AGPAT4: variants seen among roughly 807,000 people sequenced by gnomAD.
The protein encoded by AGPAT4 is 1-acyl-sn-glycerol-3-phosphate acyltransferase delta.
AGPAT4 carries 15 observed loss-of-function variants against 48.0 expected under a neutral mutation model. The observed-to-expected ratio is 0.31, with a 90% confidence interval of 0.21 to 0.48. The LOEUF (loss-of-function observed/expected upper bound fraction) is 0.48. Ranked by LOEUF, AGPAT4 falls within the 20% of genes least tolerant of loss-of-function variation. The probability of loss-of-function intolerance (pLI) is 0.99; values close to 1 mark genes in which losing one functional copy is unlikely to be tolerated. For missense variants in AGPAT4, 314 were observed against 482.5 expected (o/e 0.65, Z 3.27); for synonymous variants, 178 against 198.7 (o/e 0.90, Z 0.88).
chr6:161,194,624 GTGTA>G (rs71004031), intron 2 of AGPAT4, among the ~76,000 whole-genome samples: 9,783 of 146,410 alleles, frequency 0.067, 395 homozygotes, highest in Non-Finnish European at 0.079. Flanking sequence ...GTGTACATGT[GTGTA>G]TGTGTATGTG....
intron 2 of AGPAT4, among the ~76,000 whole-genome samples, chr6:161,170,439 A>G (rs1045244782): frequency 2.0e-5 from 3 of 150,822 alleles, no homozygotes; most frequent in African/African-American, 7.3e-5. Context: ...TCCCCTAGGC[A>G]TTTATACACA....
rs903058805 is a variant in AGPAT4 at position 161,155,388 on chromosome 6, A to G, written c.349-1078T>C. On this transcript the variant is annotated intron_variant, in intron 3 of 8. Coordinates refer to ENST00000320285, the MANE Select transcript of AGPAT4 (RefSeq NM_020133.3). This position sits in a 1 kb window ranked among gnomAD's most constrained non-coding sequence, Gnocchi z 5.8. ...CAGCGGTCAGGGCAGCCCTAAACCT[A>G]GGATGCCCACAGCGCAGAGAGCTCC... 6.6e-6 allele frequency among the ~76,000 whole-genome samples: 1 copy of G among 152,220 alleles called. No homozygotes were observed.
intron 1 of AGPAT4, among the ~76,000 whole-genome samples, chr6:161,256,198 G>T (rs547951238): frequency 8.4e-4 from 128 of 152,238 alleles, no homozygotes; most frequent in Non-Finnish European, 1.6e-3. Context: ...CCTTAAGTAG[G>T]ACTGGCCCTT....
rs976738287 is a variant in AGPAT4 at position 161,223,660 on chromosome 6, G to A, written c.178+8376C>T. On this transcript the variant is annotated intron_variant, in intron 2 of 8. Coordinates refer to ENST00000320285, the MANE Select transcript of AGPAT4 (RefSeq NM_020133.3). The surrounding 1 kb of genome is among the most constrained non-coding windows in gnomAD (Gnocchi z 6.3). ...TCTCTTTTTATTCCATAGCCCCGTG[G>A]AGTGGCACCTCAGAGGCCACAGGTT... Among the ~76,000 whole-genome samples, 2 of 152,170 alleles carry A rather than the reference G, an allele frequency of 1.3e-5. No individual in the cohort carries two copies. The highest frequency in any genetic ancestry group is 3.2e-3 in the Middle Eastern group (1 of 316).
At chr6:161,257,765 G>A (rs147072066) in intron 1 of AGPAT4, among the ~76,000 whole-genome samples, 9 of 152,260 alleles carry the variant, frequency 5.9e-5, no homozygotes, top group East Asian at 3.9e-4. Flanking sequence ...GAAAGACAGC[G>A]TTAGTCCCAC....
intron 2 of AGPAT4, among the ~76,000 whole-genome samples, chr6:161,185,142 T>TA (rs11299421): frequency 0.014 from 1,917 of 135,068 alleles, 40 homozygotes; most frequent in African/African-American, 0.046. Context: ...TCCAAATGTT[T>TA]AAAAAAAAAA....
intron 3 of AGPAT4, among the ~76,000 whole-genome samples, chr6:161,162,702 G>A (rs1317876613): frequency 6.6e-6 from 1 of 152,190 alleles, no homozygotes; most frequent in African/African-American, 2.4e-5. Context: ...CTTCTTTAAG[G>A]ATCTGAAGAC....
rs1781054401 is a variant in AGPAT4 at position 161,195,907 on chromosome 6, G to A, written c.179-29490C>T. On this transcript the variant is annotated intron_variant, in intron 2 of 8. Coordinates refer to ENST00000320285, the MANE Select transcript of AGPAT4 (RefSeq NM_020133.3). This position sits in a 1 kb window ranked among gnomAD's most constrained non-coding sequence, Gnocchi z 5.0. ...TTGAATGTGAATGTTCTCAAGGTCC[G>A]CTCCGATCCTATCTTTTCCCAAAGC... 6.6e-6 allele frequency among the ~76,000 whole-genome samples: 1 copy of A among 152,146 alleles called. No homozygotes were observed. The highest frequency in any genetic ancestry group is 2.4e-5 in the African/African-American group (1 of 41,428).
chr6:161,154,142 T>C lies in AGPAT4; in HGVS notation c.510+7A>G, dbSNP rs1315288651. ...CTTGGGACACAGCTGCTCTGGTGCC[T>C]ACATACAAAATACTTCTCGGGGTAG... On this transcript the variant is annotated splice_region_variant and intron_variant, in intron 4 of 8. Transcript: ENST00000320285. This position sits in a 1 kb window ranked among gnomAD's most constrained non-coding sequence, Gnocchi z 7.8. The C allele has an allele frequency of 6.2e-7, 1 of 1,613,950 alleles. No homozygotes were observed. Among genetic ancestry groups the C allele is most frequent in the Admixed American group, 1.7e-5 (1 of 60,006 alleles).
At position 161,255,445 on chromosome 6, in the gene AGPAT4, G is replaced by A. The variant is rs569568904; in HGVS notation, c.-90+18493C>T. On this transcript the variant is annotated intron_variant, in intron 1 of 8. Coordinates refer to ENST00000320285, the MANE Select transcript of AGPAT4 (RefSeq NM_020133.3). The surrounding 1 kb of genome is among the most constrained non-coding windows in gnomAD (Gnocchi z 4.7). Reference sequence around the variant, plus strand: ...CCACGTTCACGGCAGCGTTGCTCTCGATAGCCAAAGGCCGAAACAGCCCCA... The same window carrying A: ...CCACGTTCACGGCAGCGTTGCTCTCAATAGCCAAAGGCCGAAACAGCCCCA... 2.6e-5 allele frequency among the ~76,000 whole-genome samples: 4 copies of A among 152,128 alleles called. No homozygotes were observed. Among genetic ancestry groups the A allele is most frequent in the East Asian group, 1.9e-4 (1 of 5,198 alleles).
intron 2 of AGPAT4, among the ~76,000 whole-genome samples, chr6:161,186,279 T>C (rs1780766575): frequency 6.6e-6 from 1 of 152,172 alleles, no homozygotes; most frequent in Admixed American, 6.5e-5. Context: ...TTTCTTAGCC[T>C]ACAAATCTGG....
Position 161,234,502 on chromosome 6 carries a change from C to T in AGPAT4, c.-89-2200G>A, listed in dbSNP as rs545720898. On this transcript the variant is annotated intron_variant, in intron 1 of 8. Coordinates refer to ENST00000320285, the MANE Select transcript of AGPAT4 (RefSeq NM_020133.3). The surrounding 1 kb of genome is among the most constrained non-coding windows in gnomAD (Gnocchi z 4.4). ...CTTACTGAGTTTCAACACTCCCAGGCTCCCACTGAGGAATAGGCGTTAAGC... is the reference window on the plus strand; with the variant it reads ...CTTACTGAGTTTCAACACTCCCAGGTTCCCACTGAGGAATAGGCGTTAAGC... Among the ~76,000 whole-genome samples the T allele has an allele frequency of 5.9e-5, 9 of 152,264 alleles. No individual in the cohort carries two copies. In the East Asian group the frequency reaches 1.7e-3, roughly 29 times the overall value.
chr6:161,250,455 T>C (rs1412768125), intron 1 of AGPAT4, among the ~76,000 whole-genome samples: 1 of 152,202 alleles, frequency 6.6e-6, no homozygotes, highest in Non-Finnish European at 1.5e-5. Context: ...AGAATATAAA[T>C]ATCCTTCTCA....
chr6:161,226,691 G>A lies in AGPAT4; in HGVS notation c.178+5345C>T, dbSNP rs891826801. Reference sequence around the variant, plus strand: ...TGTATAAAATTTTAACACATAGAATGAAAGCAGATGATAGCACATTGATGT... The same window carrying A: ...TGTATAAAATTTTAACACATAGAATAAAAGCAGATGATAGCACATTGATGT... On this transcript the variant is annotated intron_variant, in intron 2 of 8. Transcript: ENST00000320285. This position sits in a 1 kb window ranked among gnomAD's most constrained non-coding sequence, Gnocchi z 6.3. Among the ~76,000 whole-genome samples the A allele has an allele frequency of 6.6e-6, 1 of 152,216 alleles. No individual in the cohort carries two copies. Among genetic ancestry groups the A allele is most frequent in the African/African-American group, 2.4e-5 (1 of 41,462 alleles).
intron 2 of AGPAT4, among the ~76,000 whole-genome samples, chr6:161,187,351 C>T (rs1465053490): frequency 1.3e-5 from 2 of 152,106 alleles, no homozygotes; most frequent in African/African-American, 4.8e-5. Context: ...TTGCTGCCCA[C>T]AGCATGCAAG....
rs1160734802 is a variant in AGPAT4 at position 161,249,537 on chromosome 6, T to C, written c.-89-17235A>G. 3.9e-5 allele frequency among the ~76,000 whole-genome samples: 6 copies of C among 152,034 alleles called. No homozygotes were observed. Among genetic ancestry groups the C allele is most frequent in the Admixed American group, 3.3e-4 (5 of 15,272 alleles). On this transcript the variant is annotated intron_variant, in intron 1 of 8. Coordinates refer to ENST00000320285, the MANE Select transcript of AGPAT4 (RefSeq NM_020133.3). The surrounding 1 kb of genome is among the most constrained non-coding windows in gnomAD (Gnocchi z 6.2). ...ACAGACACTTTTCAGAAGACATACA[T>C]GAGGCCAGCAAACACATGAAAAAAA... is the stretch of plus-strand genomic sequence containing the variant.
At chr6:161,263,945 T>C (rs1301166959) in intron 1 of AGPAT4, among the ~76,000 whole-genome samples, 7 of 152,208 alleles carry the variant, frequency 4.6e-5, no homozygotes, top group Non-Finnish European at 1.0e-4. Context: ...CATTGCTAGC[T>C]CTGTGGCTTT....
chr6:161,238,239 T>C lies in AGPAT4; in HGVS notation c.-89-5937A>G, dbSNP rs1782359535. Among the ~76,000 whole-genome samples the C allele has an allele frequency of 6.6e-6, 1 of 152,098 alleles. No individual in the cohort carries two copies. The highest frequency in any genetic ancestry group is 1.5e-5 in the Non-Finnish European group (1 of 68,024). ...ACTTGGCCCTCACTTTCCTCGTGTGTAAAATCAGAGCAATAACTTCAGCAT... is the reference window on the plus strand; with the variant it reads ...ACTTGGCCCTCACTTTCCTCGTGTGCAAAATCAGAGCAATAACTTCAGCAT... On this transcript the variant is annotated intron_variant, in intron 1 of 8. Transcript: ENST00000320285. This position sits in a 1 kb window ranked among gnomAD's most constrained non-coding sequence, Gnocchi z 5.2.
Position 161,198,866 on chromosome 6 carries a change from T to C in AGPAT4, c.179-32449A>G, listed in dbSNP as rs1781140542. 6.6e-6 allele frequency among the ~76,000 whole-genome samples: 1 copy of C among 152,184 alleles called. No individual in the cohort carries two copies. The highest frequency in any genetic ancestry group is 1.5e-5 in the Non-Finnish European group (1 of 68,026). ...ATAGCTTATTAAGGGGTAAATATCTTGTTTATATGATCCACGATTCTATAT... is the reference window on the plus strand; with the variant it reads ...ATAGCTTATTAAGGGGTAAATATCTCGTTTATATGATCCACGATTCTATAT... On this transcript the variant is annotated intron_variant, in intron 2 of 8. Coordinates refer to ENST00000320285, the MANE Select transcript of AGPAT4 (RefSeq NM_020133.3). This position sits in a 1 kb window ranked among gnomAD's most constrained non-coding sequence, Gnocchi z 4.3.
Sources: allele counts gnomAD v4.1 joint callset (sites outside exome capture counted in the v4.1 genomes callset), GRCh38; gene constraint gnomAD v4.1.1; non-coding constraint Gnocchi (gnomAD v3.1); transcripts MANE v1.5; gene names NCBI Gene and HGNC (gene_info 2026-07-23, HGNC 2026-07-21).